ANXA6: variants seen among roughly 807,000 people sequenced by gnomAD.
The protein encoded by ANXA6 is annexin A6.
A neutral mutation model predicts 95.4 loss-of-function variants in ANXA6; 71 were observed. The ratio of observed to expected loss-of-function variants is 0.74; its 90% CI spans 0.61 to 0.91. The LOEUF (loss-of-function observed/expected upper bound fraction) is 0.91. Ranked by LOEUF, ANXA6 falls within the 40% of genes least tolerant of loss-of-function variation. ANXA6 has a pLI of 0.00. For missense variants in ANXA6, 830 were observed against 876.4 expected (o/e 0.95, Z 0.67); for synonymous variants, 289 against 315.9 (o/e 0.91, Z 0.90).
Position 151,133,149 on chromosome 5 carries a change from A to T in ANXA6, c.585T>A (p.Asp195Glu), listed in dbSNP as rs1275389942. ...YEAGELKWGTDEAQFIYILGN... is the reference protein window; with the variant it reads ...YEAGELKWGTEEAQFIYILGN... ...CCAAGATGTAAATGAACTGGGCTTCATCTGTTCCCCATTTCAGTTCCCCTG... is the reference window on the plus strand; with the variant it reads ...CCAAGATGTAAATGAACTGGGCTTCTTCTGTTCCCCATTTCAGTTCCCCTG... Residue 195 changes from aspartate to glutamate, a missense_variant, in exon 9 of 26, where the codon GAT becomes GAA. Physicochemically the swap from Asp to Glu is conservative, Grantham distance 45 (BLOSUM62 2). Coordinates refer to ENST00000354546, the MANE Select transcript of ANXA6 (RefSeq NM_001155.5). 1 of 1,598,490 alleles carries T rather than the reference A, an allele frequency of 6.3e-7. No individual in the cohort carries two copies. Among genetic ancestry groups the T allele is most frequent in the African/African-American group, 1.3e-5 (1 of 74,644 alleles).
Position 151,133,155 on chromosome 5 carries a change from T to TC in ANXA6, c.578dup (p.Thr194AsnfsTer3). 6.3e-7 allele frequency: 1 copy of TC among 1,597,216 alleles called. No homozygotes were observed. Among genetic ancestry groups the TC allele is most frequent in the Non-Finnish European group, 8.5e-7 (1 of 1,171,490 alleles). The stretch of plus-strand genomic sequence containing the variant: ...TGTAAATGAACTGGGCTTCATCTGT[T>TC]CCCCATTTCAGTTCCCCTGCCTCGT... On this transcript the variant is annotated frameshift_variant, in exon 9 of 26. Coordinates refer to ENST00000354546, the MANE Select transcript of ANXA6 (RefSeq NM_001155.5). LOFTEE classifies it high-confidence loss of function.
At chr5:151,133,970 A>G (rs1011027656) in intron 8 of ANXA6, among the ~76,000 whole-genome samples, 3 of 152,202 alleles carry the variant, frequency 2.0e-5, no homozygotes, top group Admixed American at 1.3e-4. Flanking sequence ...ATGTCATAGC[A>G]TTCTCTGTAT....
intron 20 of ANXA6, among the ~76,000 whole-genome samples, chr5:151,114,867 A>T (rs926979646): frequency 1.3e-5 from 2 of 152,300 alleles, no homozygotes; most frequent in East Asian, 3.9e-4. Context: ...CCAGAGTGAG[A>T]GACCGCCAGG....
chr5:151,105,048 G>A (rs1764658077), intron 24 of ANXA6, among the ~76,000 whole-genome samples, 197 bp downstream of exon 24: 1 of 152,216 alleles, frequency 6.6e-6, no homozygotes, highest in Admixed American at 6.5e-5. Flanking sequence ...ATCCTCCGGG[G>A]CGGGGGAAGG....
rs1765377020 is a variant in ANXA6, at chr5:151,128,033, A to T, written c.977+148T>A. On this transcript the variant is annotated intron_variant, in intron 13 of 25. Coordinates refer to ENST00000354546, the MANE Select transcript of ANXA6 (RefSeq NM_001155.5). ...CAGACCCACAAGCACAGCAGCTACC[A>T]GCAAAAGCCGCCTTTCACTTGTGCG... 12 of 693,894 alleles carry T rather than the reference A, an allele frequency of 1.7e-5. No individual in the cohort carries two copies. The East Asian group carries it at 3.3e-4, about 19-fold the overall frequency. The allele number at this position is 693,894 out of a possible 1,614,324, so 43.0% of individuals were successfully genotyped here.
chr5:151,108,138 G>GGT (rs1479757081), intron 23 of ANXA6, among the ~76,000 whole-genome samples: 56 of 152,064 alleles, frequency 3.7e-4, no homozygotes, highest in African/African-American at 1.3e-3. Flanking sequence ...GTATATGTTA[G>GGT]GTGTGTGTGT....
At chr5:151,149,356 A>AT (rs1766050809) in intron 1 of ANXA6, among the ~76,000 whole-genome samples, 1 of 152,178 alleles carries the variant, frequency 6.6e-6, no homozygotes, top group South Asian at 2.1e-4. Flanking sequence ...TTTGGGAAGT[A>AT]TAAGAGAAGC....
At chr5:151,145,639 G>A (rs989965757) in intron 2 of ANXA6, among the ~76,000 whole-genome samples, 4 of 152,202 alleles carry the variant, frequency 2.6e-5, no homozygotes, top group African/African-American at 9.7e-5. Context: ...GCATGCATGT[G>A]TGCGTGTGTT....
chr5:151,112,914 C>T (rs1348186683), intron 20 of ANXA6, among the ~76,000 whole-genome samples: 1 of 152,154 alleles, frequency 6.6e-6, no homozygotes, highest in Non-Finnish European at 1.5e-5. Context: ...ATTTCACTTA[C>T]ATGAAGTCCC....
At chr5:151,152,801 G>A (rs1766140162) in intron 1 of ANXA6, among the ~76,000 whole-genome samples, 1 of 152,266 alleles carries the variant, frequency 6.6e-6, no homozygotes, top group South Asian at 2.1e-4. Flanking sequence ...ATGGAATGGA[G>A]GCAGGGGCAT....
chr5:151,134,334 T>G, intron 8 of ANXA6, 93 bp downstream of exon 8: 1 of 1,234,750 alleles, frequency 8.1e-7, no homozygotes, highest in Non-Finnish European at 1.2e-6. Flanking sequence ...TTGATGCAAA[T>G]GACTTCACCT....
chr5:151,108,445 TGCCAGTTACCAATG>T lies in ANXA6; in HGVS notation c.1776_1780+9del. On this transcript the variant is annotated splice_donor_variant and splice_donor_5th_base_variant and coding_sequence_variant and intron_variant, in exon 23 of 26. Transcript: ENST00000354546. LOFTEE classifies it high-confidence loss of function. Reference sequence around the variant, plus strand: ...TGCCCCCAGCCCTTCCCTTAGTCCCTGCCAGTTACCAATGGCCACAAATGCATCCCTGACATCCC... The same window carrying T: ...TGCCCCCAGCCCTTCCCTTAGTCCCTGCCACAAATGCATCCCTGACATCCC... 2 of 1,611,612 alleles carry T rather than the reference TGCCAGTTACCAATG, an allele frequency of 1.2e-6. No homozygotes were observed. The highest frequency in any genetic ancestry group is 1.7e-6 in the Non-Finnish European group (2 of 1,177,688).
intron 3 of ANXA6, 48 bp downstream of exon 3, chr5:151,140,105 C>A (rs1278885127): frequency 6.3e-7 from 1 of 1,575,162 alleles, no homozygotes; most frequent in Non-Finnish European, 8.7e-7. Flanking sequence ...TGGGCTGTGT[C>A]TACTTTTGGG....
chr5:151,119,470 G>T, intron 17 of ANXA6, 80 bp from the exon 18 acceptor site: 1 of 1,243,294 alleles, frequency 8.0e-7, no homozygotes, highest in Non-Finnish European at 1.2e-6. Flanking sequence ...GACGGCTAAA[G>T]CTCAGGCCAA....
Position 151,103,620 on chromosome 5 carries a change from G to C in ANXA6, c.1912C>G (p.Arg638Gly). ...SRSEIDLLNI[R>G]REFIEKYDKS... ...TCATATTTCTCAATGAATTCCCTCC[G>C]GATGTTGAGCAGGTCAATCTCACTG... The change falls in exon 25 of 26, where the codon CGG becomes GGG. Residue 638 changes from arginine to glycine, a missense_variant. Arg to Gly is a moderately radical substitution (Grantham distance 125). Transcript: ENST00000354546. 1.9e-6 allele frequency: 3 copies of C among 1,611,808 alleles called. No homozygotes were observed. The highest frequency in any genetic ancestry group is 2.5e-6 in the Non-Finnish European group (3 of 1,179,040).
Position 151,101,036 on chromosome 5 carries a change from C to T in ANXA6, c.*412G>A. 1 of 466,916 alleles carries T rather than the reference C, an allele frequency of 2.1e-6. No individual in the cohort carries two copies. The highest frequency in any genetic ancestry group is 4.3e-6 in the Non-Finnish European group (1 of 234,398). The allele number at this position is 466,916 out of a possible 1,614,324, so 28.9% of individuals were successfully genotyped here. A position where few individuals can be genotyped will look rare whatever the true frequency, so the allele number is the denominator to read the frequency against. On this transcript the variant is annotated 3_prime_UTR_variant, in exon 26 of 26. Transcript: ENST00000354546. ...CCCAGCACATTTACTATCCTTCCCA[C>T]CACCCCGCCCAGCACATTCAACTGG...
At chr5:151,145,336 T>C (rs6888657) in intron 2 of ANXA6, among the ~76,000 whole-genome samples, 60,644 of 152,160 alleles carry the variant, frequency 0.4, 12,931 homozygotes, top group East Asian at 0.72. Flanking sequence ...CCACAGCTCC[T>C]AGAAGTCCCA....
At chr5:151,109,959 C>T in intron 21 of ANXA6, 113 bp from the exon 22 acceptor site, 2 of 784,160 alleles carry the variant, frequency 2.6e-6, no homozygotes, top group South Asian at 3.0e-5. Flanking sequence ...GCTGGGCTCA[C>T]CCAGCCATCC....
chr5:151,104,139 T>C (rs1284368401), intron 24 of ANXA6, among the ~76,000 whole-genome samples: 1 of 152,214 alleles, frequency 6.6e-6, no homozygotes. Flanking sequence ...CAAGGACTTC[T>C]GGCAACCACC....
Sources: gnomAD v4.1 joint callset for allele counts (sites outside exome capture counted in the v4.1 genomes callset) on GRCh38, gnomAD v4.1.1 for gene constraint, MANE v1.5 for transcripts, NCBI Gene and HGNC (gene_info 2026-07-23, HGNC 2026-07-21) for gene names.